Variants in CHST11 observed in about 807,000 individuals in gnomAD.
CHST11 encodes the protein C4S-1.
In CHST11, 9 loss-of-function variants were observed where a neutral mutation model predicts 30.4. The ratio of observed to expected loss-of-function variants is 0.30; its 90% confidence interval spans 0.18 to 0.52. CHST11 has a LOEUF of 0.52. Among genes scored for constraint, CHST11 ranks in the 20% least tolerant of loss-of-function variants. The pLI, the probability that CHST11 is intolerant of heterozygous loss-of-function variation, is 0.97. For synonymous variants in CHST11, 152 were observed against 187.8 expected, an observed-to-expected ratio of 0.81 and a Z score of 1.56; for missense variants, 348 against 460.6, an observed-to-expected ratio of 0.76 and a Z score of 2.24.
At chr12:104,638,344 T>C (rs544025486) in intron 2 of CHST11, among the ~76,000 whole-genome samples, 2 of 152,204 alleles carry the variant, frequency 1.3e-5, no homozygotes, top group East Asian at 3.9e-4. Flanking sequence ...AGTTGTACAA[T>C]ATGTTCTTAC....
At chr12:104,645,483 C>G (rs574410074) in intron 2 of CHST11, among the ~76,000 whole-genome samples, 2 of 152,142 alleles carry the variant, frequency 1.3e-5, no homozygotes, top group Non-Finnish European at 2.9e-5. Context: ...GTTGGAAGCC[C>G]AGCTGGGCTT....
At chr12:104,650,264 G>A (rs1410654085) in intron 2 of CHST11, among the ~76,000 whole-genome samples, 2 of 152,220 alleles carry the variant, frequency 1.3e-5, no homozygotes, top group South Asian at 2.1e-4. Flanking sequence ...TCACAGGGTG[G>A]AGGATGGGCT....
chr12:104,628,152 G>A (rs1199142753), intron 2 of CHST11, among the ~76,000 whole-genome samples: 1 of 152,138 alleles, frequency 6.6e-6, no homozygotes, highest in Non-Finnish European at 1.5e-5. Context: ...TTTGATGCAC[G>A]GAGTGATGTA....
chr12:104,621,386 A>G (rs1592799084), intron 2 of CHST11, among the ~76,000 whole-genome samples: 1 of 152,374 alleles, frequency 6.6e-6, no homozygotes, highest in Non-Finnish European at 1.5e-5. Flanking sequence ...CCCAAGGCCT[A>G]CAGTCACGGC....
At chr12:104,710,193 C>T (rs1285898469) in intron 2 of CHST11, among the ~76,000 whole-genome samples, 1 of 144,006 alleles carries the variant, frequency 6.9e-6, no homozygotes, top group Non-Finnish European at 1.5e-5. Flanking sequence ...AAGCAAGACC[C>T]TGTCTCAAAC....
chr12:104,628,509 C>G (rs1443486322), intron 2 of CHST11, among the ~76,000 whole-genome samples: 1 of 152,210 alleles, frequency 6.6e-6, no homozygotes, highest in African/African-American at 2.4e-5. Flanking sequence ...GCCACTGATG[C>G]TCAGTGAAAT....
At chr12:104,502,223 G>A (rs1470300266) in intron 1 of CHST11, among the ~76,000 whole-genome samples, 2 of 151,882 alleles carry the variant, frequency 1.3e-5, no homozygotes, top group Non-Finnish European at 1.5e-5. Flanking sequence ...AAGACCTGGG[G>A]TGTGGCGGGG....
In CHST11 at chr12:104,684,547, GT is replaced by G. The variant is rs1206016411; in HGVS notation, c.205-72399del. On this transcript the variant is annotated intron_variant, in intron 2 of 2. Coordinates refer to ENST00000303694, the MANE Select transcript of CHST11 (RefSeq NM_018413.6). Reference sequence around the variant, plus strand: ...GTTTTGTTTGATATGGTTTGGTTTGGTTTGGTTTGGTTTTGTTAGAGACGGA... The same window carrying G: ...GTTTTGTTTGATATGGTTTGGTTTGGTTGGTTTGGTTTTGTTAGAGACGGA... 9.9e-5 allele frequency among the ~76,000 whole-genome samples: 15 copies of G among 152,282 alleles called. No individual in the cohort carries two copies. The South Asian group carries it at 1.9e-3, about 19-fold the overall frequency.
chr12:104,651,687 ACCAGGGCCTATGATTCCCAG>A (rs2039491356), intron 2 of CHST11, among the ~76,000 whole-genome samples: 1 of 152,106 alleles, frequency 6.6e-6, no homozygotes, highest in Admixed American at 6.5e-5. Context: ...AGGAAACAAA[ACCAGGGCCTATGATTCCCAG>A]CCCAGCACCC....
chr12:104,620,627 T>G (rs888919300), intron 2 of CHST11, among the ~76,000 whole-genome samples: 3 of 152,220 alleles, frequency 2.0e-5, no homozygotes, highest in African/African-American at 7.2e-5. Flanking sequence ...TATTTATTTA[T>G]TTATTTGTTT....
At chr12:104,527,130 A>C (rs887575744) in intron 1 of CHST11, among the ~76,000 whole-genome samples, 1 of 152,224 alleles carries the variant, frequency 6.6e-6, no homozygotes, top group Non-Finnish European at 1.5e-5. Flanking sequence ...TTCAGAGATA[A>C]ATAGGGCCTT....
intron 2 of CHST11, among the ~76,000 whole-genome samples, chr12:104,728,729 C>T (rs561240346): frequency 3.1e-4 from 47 of 152,288 alleles, no homozygotes; most frequent in Non-Finnish European, 5.0e-4. Flanking sequence ...AGGCTTGCTC[C>T]CACCCTACCC....
At chr12:104,549,589 G>A (rs753854561) in intron 1 of CHST11, among the ~76,000 whole-genome samples, 2 of 152,104 alleles carry the variant, frequency 1.3e-5, no homozygotes, top group Non-Finnish European at 2.9e-5. Flanking sequence ...GGAAGAAATC[G>A]ATGTAAGGAG....
chr12:104,601,592 G>GAAGACTTGAC (rs2038957376), intron 1 of CHST11, among the ~76,000 whole-genome samples: 1 of 152,218 alleles, frequency 6.6e-6, no homozygotes, highest in African/African-American at 2.4e-5. Context: ...TCTTGAAGCA[G>GAAGACTTGAC]CCATTACGCC....
chr12:104,716,516 T>C (rs1015733831), intron 2 of CHST11, among the ~76,000 whole-genome samples: 1 of 152,232 alleles, frequency 6.6e-6, no homozygotes, highest in African/African-American at 2.4e-5. Context: ...GTTTCTATGA[T>C]CGTCTCGCAT....
At position 104,729,226 on chromosome 12, in the gene CHST11, C is replaced by T. The variant is rs189105634; in HGVS notation, c.205-27723C>T. Among the ~76,000 whole-genome samples the T allele has an allele frequency of 2.7e-4, 41 of 152,258 alleles. No homozygotes were observed. Among genetic ancestry groups the T allele is most frequent in the African/African-American group, 9.4e-4 (39 of 41,554 alleles). ...TGACCAACAGACTAGGGGAGACTGA[C>T]CTCCTGCCCCACATACTCTGTCCCC... On this transcript the variant is annotated intron_variant, in intron 2 of 2. Transcript: ENST00000303694. The surrounding 1 kb of genome is among the most constrained non-coding windows in gnomAD (Gnocchi z 4.0).
intron 1 of CHST11, among the ~76,000 whole-genome samples, chr12:104,577,165 A>C (rs1002228197): frequency 5.9e-5 from 9 of 151,478 alleles, no homozygotes; most frequent in Admixed American, 3.9e-4. Flanking sequence ...CGTGCTGGAA[A>C]TATCTGCCTG....
intron 1 of CHST11, among the ~76,000 whole-genome samples, chr12:104,470,732 C>T (rs1022217947): frequency 2.0e-5 from 3 of 152,180 alleles, no homozygotes; most frequent in African/African-American, 4.8e-5. Context: ...TCCCATTATA[C>T]AGGTGAGGAA....
At chr12:104,496,250 A>AG (rs1221731541) in intron 1 of CHST11, among the ~76,000 whole-genome samples, 1 of 152,214 alleles carries the variant, frequency 6.6e-6, no homozygotes, top group African/African-American at 2.4e-5. Context: ...TTGTTGCATT[A>AG]GAAGGTTCAC....
Sources: gnomAD v4.1 joint callset for allele counts (sites outside exome capture counted in the v4.1 genomes callset) on GRCh38, gnomAD v4.1.1 for gene constraint, Gnocchi (gnomAD v3.1) non-coding constraint, MANE v1.5 for transcripts, NCBI Gene and HGNC (gene_info 2026-07-23, HGNC 2026-07-21) for gene names.